The following ALAS1 variants were observed in gnomAD, a reference collection of about 807,000 sequenced individuals.
The protein encoded by ALAS1 is 5-aminolevulinate synthase, non-specific, mitochondrial.
A neutral mutation model predicts 59.6 loss-of-function variants in ALAS1; 29 were observed. That is an observed-to-expected ratio of 0.49 (90% CI 0.36 to 0.66). The LOEUF is 0.66. Ranked by LOEUF, ALAS1 falls within the 30% of genes least tolerant of loss-of-function variation. The pLI is 0.00. For missense variants in ALAS1, 690 were observed against 807.5 expected, an observed-to-expected ratio of 0.85 and a Z score of 1.76; for synonymous variants, 299 against 296.6, an observed-to-expected ratio of 1.01 and a Z score of -0.08.
At position 52,199,355 on chromosome 3, in the gene ALAS1, A is replaced by G. The variant is rs1287127635; in HGVS notation, c.114A>G (p.Glu38=). The change falls in exon 3 of 12, where the codon GAA becomes GAG. Residue 38 remains glutamate, a synonymous_variant. Coordinates refer to ENST00000484952, the MANE Select transcript of ALAS1 (RefSeq NM_000688.6). ...FYAQNCPKMM[E]VGAKPAPRAL... The stretch of plus-strand genomic sequence containing the variant: ...CCCAAAACTGCCCCAAGATGATGGA[A>G]GTTGGGGCCAAGCCAGCCCCTCGGG... 8.7e-6 allele frequency: 14 copies of G among 1,614,210 alleles called. No homozygotes were observed. The highest frequency in any genetic ancestry group is 1.2e-5 in the Non-Finnish European group (14 of 1,180,024).
At chr3:52,206,420 A>G in intron 7 of ALAS1, 152 bp from the exon 8 acceptor site, 3 of 853,902 alleles carry the variant, frequency 3.5e-6, no homozygotes, top group Non-Finnish European at 3.7e-6. Flanking sequence ...AGCACTAACT[A>G]GTTATTTTGC....
At chr3:52,203,080 G>C (rs142009485) in intron 4 of ALAS1, among the ~76,000 whole-genome samples, 1 of 152,178 alleles carries the variant, frequency 6.6e-6, no homozygotes, top group Non-Finnish European at 1.5e-5. Flanking sequence ...ACTGCAGTAA[G>C]TGCTGGTCCT....
chr3:52,212,223 G>A (rs1471996684), intron 10 of ALAS1, 35 bp from the exon 11 acceptor site: 2 of 1,599,644 alleles, frequency 1.3e-6, no homozygotes, highest in Non-Finnish European at 1.7e-6. Context: ...AGTCCTTCCT[G>A]TTGTGACCTT....
chr3:52,206,799 C>G, intron 8 of ALAS1, 48 bp downstream of exon 8: 1 of 1,563,122 alleles, frequency 6.4e-7, no homozygotes, highest in Non-Finnish European at 8.7e-7. Context: ...AAAAACTATG[C>G]CTGAACTCTT....
chr3:52,203,738 C>A, intron 4 of ALAS1, 125 bp from the exon 5 acceptor site: 2 of 1,053,256 alleles, frequency 1.9e-6, no homozygotes, highest in Non-Finnish European at 2.7e-6. Flanking sequence ...TTATAACTAA[C>A]TTTGGTTATG....
intron 8 of ALAS1, among the ~76,000 whole-genome samples, chr3:52,207,554 G>A (rs1198999870): frequency 6.6e-6 from 1 of 151,994 alleles, no homozygotes; most frequent in Non-Finnish European, 1.5e-5. Context: ...TGTGTCACAG[G>A]GTGTTGGTGT....
chr3:52,200,714 A>G (rs1364280997), intron 3 of ALAS1, among the ~76,000 whole-genome samples: 1 of 152,196 alleles, frequency 6.6e-6, no homozygotes, highest in African/African-American at 2.4e-5. Flanking sequence ...TTATTTGTAT[A>G]TACATTTGTT....
chr3:52,201,793 ATG>A (rs894328415), intron 3 of ALAS1, among the ~76,000 whole-genome samples: 2 of 152,184 alleles, frequency 1.3e-5, no homozygotes, highest in Non-Finnish European at 2.9e-5. Context: ...AGAGAAAAAA[ATG>A]TGTGTGAATA....
At position 52,212,325 on chromosome 3, in the gene ALAS1, A is replaced by G. The variant is rs1218378118; in HGVS notation, c.1667A>G (p.Gln556Arg). 1 of 1,614,166 alleles carries G rather than the reference A, an allele frequency of 6.2e-7. No homozygotes were observed. The highest frequency in any genetic ancestry group is 1.7e-5 in the Admixed American group (1 of 60,020). The part of the protein sequence containing the change: ...ELMSRHNIYV[Q>R]AINYPTVPRG... ...ATGAGCAGACATAACATCTACGTGCAAGCAATCAATTACCCTACGGTGCCC... is the reference window on the plus strand; with the variant it reads ...ATGAGCAGACATAACATCTACGTGCGAGCAATCAATTACCCTACGGTGCCC... The change falls in exon 11 of 12, where the codon CAA becomes CGA. Residue 556 changes from glutamine to arginine, a missense_variant. Gln to Arg is a conservative substitution (Grantham distance 43, BLOSUM62 1). Coordinates refer to ENST00000484952, the MANE Select transcript of ALAS1 (RefSeq NM_000688.6).
chr3:52,211,176 A>G lies in ALAS1; in HGVS notation c.1331-107A>G, dbSNP rs897448074. On this transcript the variant is annotated intron_variant, in intron 9 of 11. Coordinates refer to ENST00000484952, the MANE Select transcript of ALAS1 (RefSeq NM_000688.6). ...TCCAATCAGTCCAGGAACAAATTAA[A>G]AAGATAAGGAGAAAAGTCAGTGCTT... is the stretch of plus-strand genomic sequence containing the variant. 6.1e-6 allele frequency: 8 copies of G among 1,307,506 alleles called. No homozygotes were observed. The East Asian group carries it at 1.9e-4, about 30-fold the overall frequency. 81.0% of individuals were successfully genotyped at this position (1,307,506 alleles called of 1,614,324 possible). A position where few individuals can be genotyped will look rare whatever the true frequency, so the allele number is the denominator to read the frequency against.
chr3:52,207,351 T>C lies in ALAS1; in HGVS notation c.1165+600T>C, dbSNP rs1426886835. Among the ~76,000 whole-genome samples, 5 of 152,086 alleles carry C rather than the reference T, an allele frequency of 3.3e-5. No homozygotes were observed. The East Asian group carries it at 9.6e-4, about 29-fold the overall frequency. On this transcript the variant is annotated intron_variant, in intron 8 of 11. Transcript: ENST00000484952. ...CGGGGTTTCACTGTGTTAGTCAGGATGGTCTCAATCTCCTGACCTTGTGAT... is the reference window on the plus strand; with the variant it reads ...CGGGGTTTCACTGTGTTAGTCAGGACGGTCTCAATCTCCTGACCTTGTGAT...
In ALAS1 at chr3:52,206,622, A is replaced by G. The variant is rs1699296020; in HGVS notation, c.1036A>G (p.Ile346Val). 2 of 1,614,062 alleles carry G rather than the reference A, an allele frequency of 1.2e-6. No individual in the cohort carries two copies. The highest frequency in any genetic ancestry group is 1.7e-6 in the Non-Finnish European group (2 of 1,180,036). Residue 346 changes from isoleucine (I) to valine (V), a missense_variant, in exon 8 of 12, where the codon ATT (isoleucine) becomes GTT (valine). Physicochemically the swap from Ile to Val is conservative, Grantham distance 29. Transcript: ENST00000484952. Reference sequence around the variant, plus strand: ...GAACCATGCCTCCATGATCCAAGGGATTCGAAACAGCCGAGTGCCAAAGTA... The same window carrying G: ...GAACCATGCCTCCATGATCCAAGGGGTTCGAAACAGCCGAGTGCCAAAGTA... Reference protein sequence around the residue: ...SGNHASMIQGIRNSRVPKYIF... With the variant: ...SGNHASMIQGVRNSRVPKYIF...
intron 1 of ALAS1, among the ~76,000 whole-genome samples, 167 bp downstream of exon 1, chr3:52,198,422 C>T (rs143479698): frequency 1.3e-5 from 2 of 152,352 alleles, no homozygotes; most frequent in East Asian, 1.9e-4. Context: ...AGACGGCCGC[C>T]TCAGTTTCCC....
intron 8 of ALAS1, among the ~76,000 whole-genome samples, chr3:52,207,686 C>T (rs1699322687): frequency 1.3e-5 from 2 of 152,192 alleles, no homozygotes; most frequent in Admixed American, 6.5e-5. Flanking sequence ...TCTTTGTGTC[C>T]ATGTGTTCTC....
Position 52,198,795 on chromosome 3 carries a change from T to A in ALAS1, c.-86T>A. 1 of 1,535,630 alleles carries A rather than the reference T, an allele frequency of 6.5e-7. No individual in the cohort carries two copies. Among genetic ancestry groups the A allele is most frequent in the Non-Finnish European group, 8.7e-7 (1 of 1,146,850 alleles). On this transcript the variant is annotated 5_prime_UTR_variant, in exon 2 of 12. Transcript: ENST00000484952. ...TGTGGGGACCAGGAGAAAGTCAGGA[T>A]CCCTAAGAGTCTTCCCTGCCTGGAT...
In ALAS1 at chr3:52,212,315, A is replaced by T; in HGVS notation, c.1657A>T (p.Ile553Phe). ...VCDELMSRHN[I>F]YVQAINYPTV... ...TGATGAACTAATGAGCAGACATAAC[A>T]TCTACGTGCAAGCAATCAATTACCC... Residue 553 changes from isoleucine (I) to phenylalanine (F), a missense_variant, in exon 11 of 12, where the codon ATC (isoleucine) becomes TTC (phenylalanine). Coordinates refer to ENST00000484952, the MANE Select transcript of ALAS1 (RefSeq NM_000688.6). The T allele has an allele frequency of 6.2e-7, 1 of 1,614,160 alleles. No individual in the cohort carries two copies. Among genetic ancestry groups the T allele is most frequent in the South Asian group, 1.1e-5 (1 of 91,078 alleles).
intron 9 of ALAS1, 151 bp downstream of exon 9, chr3:52,208,398 T>C (rs529671909): frequency 1.2e-6 from 1 of 829,450 alleles, no homozygotes; most frequent in Non-Finnish European, 1.9e-6. Flanking sequence ...GTGGAATCCC[T>C]TGGGTCATGG....
chr3:52,212,283 A>G lies in ALAS1; in HGVS notation c.1625A>G (p.Glu542Gly), dbSNP rs749168022. Reference sequence around the variant, plus strand: ...GTTGCAGATGCTGCTAAAAACACAGAAGTCTGTGATGAACTAATGAGCAGA... The same window carrying G: ...GTTGCAGATGCTGCTAAAAACACAGGAGTCTGTGATGAACTAATGAGCAGA... ...VRVADAAKNT[E>G]VCDELMSRHN... Residue 542 changes from glutamate to glycine, a missense_variant, in exon 11 of 12, where the codon GAA (glutamate) becomes GGA (glycine). Physicochemically the swap from Glu to Gly is moderately conservative, Grantham distance 98. Coordinates refer to ENST00000484952, the MANE Select transcript of ALAS1 (RefSeq NM_000688.6). 4 of 1,613,878 alleles carry G rather than the reference A, an allele frequency of 2.5e-6. No homozygotes were observed. In the South Asian group the frequency reaches 3.3e-5, roughly 13 times the overall value.
In ALAS1 at chr3:52,203,874, A is replaced by G. The variant is rs1489421974; in HGVS notation, c.439A>G (p.Thr147Ala). 3.2e-6 allele frequency: 5 copies of G among 1,582,640 alleles called. No individual in the cohort carries two copies. The African/African-American group carries it at 6.8e-5, about 21-fold the overall frequency. The change falls in exon 5 of 12, where the codon ACC becomes GCC. Residue 147 changes from threonine (T) to alanine (A), a missense_variant. Physicochemically the swap from Thr to Ala is moderately conservative, Grantham distance 58. Transcript: ENST00000484952. ...TACTTTTGTTCCAGAGGTTGCTGAA[A>G]CCTCAGCAGGCCCCAGTGTGGTTAG... is the stretch of plus-strand genomic sequence containing the variant. ...MNAVRKEVAE[T>A]SAGPSVVSVK...
Sources: allele counts gnomAD v4.1 joint callset (sites outside exome capture counted in the v4.1 genomes callset), GRCh38; gene constraint gnomAD v4.1.1; transcripts MANE v1.5; gene names NCBI Gene and HGNC (gene_info 2026-07-23, HGNC 2026-07-21).